The following TMEM192 variants were observed in gnomAD, a reference collection of about 807,000 sequenced individuals.
TMEM192 encodes the protein transmembrane protein 192.
A neutral mutation model predicts 26.7 loss-of-function variants in TMEM192; 20 were observed. The ratio of observed to expected loss-of-function variants is 0.75; its 90% CI spans 0.53 to 1.09. The LOEUF (loss-of-function observed/expected upper bound fraction) is 1.09, where lower values mean the gene tolerates loss of function less well. Among genes scored for constraint, TMEM192 ranks in the 50% least tolerant of loss-of-function variants. The pLI is 0.00. For missense variants in TMEM192, 304 were observed against 322.6 expected, an observed-to-expected ratio of 0.94 and a Z score of 0.44; for synonymous variants, 124 against 121.0, an observed-to-expected ratio of 1.02 and a Z score of -0.16.
At chr4:165,090,890 G>A (rs1249359408) in intron 3 of TMEM192, among the ~76,000 whole-genome samples, 6 of 111,818 alleles carry the variant, frequency 5.4e-5, no homozygotes, top group African/African-American at 2.0e-4. Flanking sequence ...CAGACTGGGC[G>A]ACGGAGAGAG....
chr4:165,085,712 G>T, intron 4 of TMEM192, 24 bp from the exon 5 acceptor site: 1 of 1,473,188 alleles, frequency 6.8e-7, no homozygotes, highest in Non-Finnish European at 9.3e-7. Flanking sequence ...GTCATTATTA[G>T]ATCGAATTCT....
chr4:165,082,115 G>A lies in TMEM192; in HGVS notation c.678-2319C>T, dbSNP rs1393412032. 5.6e-5 allele frequency among the ~76,000 whole-genome samples: 2 copies of A among 35,662 alleles called. 1 individual carries two copies. The highest frequency in any genetic ancestry group is 1.0e-4 in the African/African-American group (2 of 19,680). The allele number at this position is 35,662 out of a possible 152,430, so 23.4% of individuals were successfully genotyped here. A position where few individuals can be genotyped will look rare whatever the true frequency, so the allele number is the denominator to read the frequency against. ...CTCCCGAGTAGCTGGGACTACAGGC[G>A]TGCACCACCACACCCAGCTAATTTT... On this transcript the variant is annotated intron_variant, in intron 5 of 5. Coordinates refer to ENST00000306480, the MANE Select transcript of TMEM192 (RefSeq NM_001100389.2).
chr4:165,084,895 T>C (rs1734575230), intron 5 of TMEM192, among the ~76,000 whole-genome samples: 1 of 152,058 alleles, frequency 6.6e-6, no homozygotes, highest in Non-Finnish European at 1.5e-5. Context: ...CCGGGCTGGC[T>C]GTTTGGGAGG....
At chr4:165,097,363 G>A (rs1047872505) in intron 3 of TMEM192, among the ~76,000 whole-genome samples, 4 of 151,830 alleles carry the variant, frequency 2.6e-5, no homozygotes, top group Non-Finnish European at 5.9e-5. Context: ...GCGTGGTGGC[G>A]GGCGAATGCA....
At chr4:165,085,839 G>C in intron 4 of TMEM192, 151 bp from the exon 5 acceptor site, 2 of 585,772 alleles carry the variant, frequency 3.4e-6, no homozygotes, top group Non-Finnish European at 6.0e-6. Context: ...TGGGAATATA[G>C]GGATTACATT....
At chr4:165,106,455 G>A (rs1019757608) in intron 1 of TMEM192, among the ~76,000 whole-genome samples, 9 of 152,178 alleles carry the variant, frequency 5.9e-5, no homozygotes, top group South Asian at 2.1e-4. Context: ...GCAAAGTATC[G>A]TCTGTGAGGA....
chr4:165,086,635 G>C (rs1734623778), intron 4 of TMEM192, among the ~76,000 whole-genome samples: 1 of 151,978 alleles, frequency 6.6e-6, no homozygotes, highest in African/African-American at 2.4e-5. Context: ...ATGTTGGCCA[G>C]GCTGTTCTCA....
At position 165,078,278 on chromosome 4, in the gene TMEM192, A is replaced by G. The variant is rs966999412; in HGVS notation, c.*1380T>C. 1.3e-5 allele frequency: 2 copies of G among 152,170 alleles called. No individual in the cohort carries two copies. Among genetic ancestry groups the G allele is most frequent in the African/African-American group, 4.8e-5 (2 of 41,438 alleles). 9.4% of individuals were successfully genotyped at this position (152,170 alleles called of 1,614,324 possible). A position where few individuals can be genotyped will look rare whatever the true frequency, so the allele number is the denominator to read the frequency against. ...GATCAAAAAAGATTAACACAGTCAT[A>G]AATATCCCCTCCCCTCATATTCAGC... is the stretch of plus-strand genomic sequence containing the variant. On this transcript the variant is annotated 3_prime_UTR_variant, in exon 6 of 6. Transcript: ENST00000306480.
intron 3 of TMEM192, among the ~76,000 whole-genome samples, chr4:165,091,809 C>A (rs752349171): frequency 6.6e-6 from 1 of 152,060 alleles, no homozygotes; most frequent in Non-Finnish European, 1.5e-5. Context: ...CCTTTAGGTA[C>A]CCAGTGCAAG....
intron 1 of TMEM192, among the ~76,000 whole-genome samples, chr4:165,109,991 TG>T (rs1735256503): frequency 1.3e-5 from 2 of 152,246 alleles, no homozygotes; most frequent in Admixed American, 6.5e-5. Flanking sequence ...GTGTATCTTT[TG>T]TTTTTCCTAA....
intron 3 of TMEM192, among the ~76,000 whole-genome samples, chr4:165,091,924 G>C (rs1734775113): frequency 6.6e-6 from 1 of 151,992 alleles, no homozygotes. Flanking sequence ...GGAATCCTAG[G>C]AGCCCATTCT....
At chr4:165,085,889 C>A (rs1734603587) in intron 4 of TMEM192, among the ~76,000 whole-genome samples, 1 of 152,094 alleles carries the variant, frequency 6.6e-6, no homozygotes, top group Non-Finnish European at 1.5e-5. Context: ...TTATTGTGCA[C>A]TTAGAACACA....
intron 5 of TMEM192, among the ~76,000 whole-genome samples, chr4:165,085,013 G>A (rs1406875540): frequency 6.6e-6 from 1 of 151,912 alleles, no homozygotes; most frequent in Admixed American, 6.6e-5. Context: ...GGTGGCTCAC[G>A]CCTGTGATCC....
intron 4 of TMEM192, among the ~76,000 whole-genome samples, chr4:165,086,047 CTGGTCCAG>C (rs1033481269): frequency 2.0e-5 from 3 of 152,172 alleles, no homozygotes; most frequent in Admixed American, 2.0e-4. Flanking sequence ...ATGACTTCCT[CTGGTCCAG>C]GGGAAAATAC....
At chr4:165,097,977 C>T (rs1056163056) in intron 3 of TMEM192, among the ~76,000 whole-genome samples, 4 of 151,948 alleles carry the variant, frequency 2.6e-5, no homozygotes, top group East Asian at 3.9e-4. Flanking sequence ...CCTGCCATCA[C>T]ACCCAGCTAA....
chr4:165,104,551 G>C (rs1240791511), intron 1 of TMEM192, among the ~76,000 whole-genome samples: 1 of 152,100 alleles, frequency 6.6e-6, no homozygotes, highest in African/African-American at 2.4e-5. Flanking sequence ...TTGTTTTTGA[G>C]ATGGAATCTC....
rs141679766 is a variant in TMEM192, at chr4:165,093,172, C to T, written c.440-4570G>A. 4.5e-4 allele frequency among the ~76,000 whole-genome samples: 66 copies of T among 145,718 alleles called. 2 individuals carry two copies. In the East Asian group the frequency reaches 0.012, roughly 27 times the overall value. On this transcript the variant is annotated intron_variant, in intron 3 of 5. Transcript: ENST00000306480. ...AGCGCGGTGGCACGATCTCAGCTCA[C>T]GGCAACCTCTGCCTCCAGGGTTCAA...
At position 165,092,112 on chromosome 4, in the gene TMEM192, C is replaced by CTTTTTTTTTTTTTTTT. The variant is rs35641833; in HGVS notation, c.440-3526_440-3511dup. On this transcript the variant is annotated intron_variant, in intron 3 of 5. Transcript: ENST00000306480. Reference sequence around the variant, plus strand: ...AATGCTGTTCTTTCTTAATGCTGTTCTTTTTTTTTTTTTTTTTTTTTTTTT... The same window carrying CTTTTTTTTTTTTTTTT: ...AATGCTGTTCTTTCTTAATGCTGTTCTTTTTTTTTTTTTTTTTTTTTTTTTTTTTTTTTTTTTTTTT... 5.5e-5 allele frequency among the ~76,000 whole-genome samples: 4 copies of CTTTTTTTTTTTTTTTT among 72,074 alleles called. 1 individual carries two copies. The highest frequency in any genetic ancestry group is 2.7e-4 in the African/African-American group (4 of 14,856). The allele number at this position is 72,074 out of a possible 152,430, so 47.3% of individuals were successfully genotyped here.
chr4:165,104,510 T>C (rs533700599), intron 1 of TMEM192, among the ~76,000 whole-genome samples: 24 of 152,240 alleles, frequency 1.6e-4, no homozygotes, highest in African/African-American at 5.8e-4. Context: ...AACACTGCTC[T>C]GCAACTGTTT....
Sources: allele counts gnomAD v4.1 joint callset (sites outside exome capture counted in the v4.1 genomes callset), GRCh38; gene constraint gnomAD v4.1.1; transcripts MANE v1.5; gene names NCBI Gene and HGNC (gene_info 2026-07-23, HGNC 2026-07-21).